TMEM117: variants seen among roughly 807,000 people sequenced by gnomAD.
The protein encoded by TMEM117 is transmembrane protein 117.
Under a neutral mutation model 52.4 loss-of-function variants are expected in TMEM117, and 27 were observed. The ratio of observed to expected loss-of-function variants is 0.51; its 90% CI spans 0.38 to 0.71. The LOEUF (loss-of-function observed/expected upper bound fraction) is 0.71. Among genes scored for constraint, TMEM117 ranks in the 30% least tolerant of loss-of-function variants. The probability of loss-of-function intolerance (pLI) is 0.00; values close to 1 mark genes in which losing one functional copy is unlikely to be tolerated. For synonymous variants in TMEM117, 215 were observed against 206.3 expected, an observed-to-expected ratio of 1.04 and a Z score of -0.36; for missense variants, 556 against 630.5, an observed-to-expected ratio of 0.88 and a Z score of 1.26.
intron 6 of TMEM117, among the ~76,000 whole-genome samples, chr12:44,367,376 C>G (rs927046196): frequency 6.6e-6 from 1 of 152,098 alleles, no homozygotes; most frequent in Non-Finnish European, 1.5e-5. Flanking sequence ...ATTACTTAAA[C>G]CTTCAGGGGC....
chr12:43,944,476 G>A, intron 3 of TMEM117, 134 bp downstream of exon 3: 1 of 840,108 alleles, frequency 1.2e-6, no homozygotes, highest in Non-Finnish European at 1.8e-6. Context: ...AGTATTTTAT[G>A]TATTTTTCTT....
intron 2 of TMEM117, among the ~76,000 whole-genome samples, chr12:43,914,183 G>A (rs1220458735): frequency 2.0e-5 from 3 of 152,078 alleles, no homozygotes; most frequent in South Asian, 4.1e-4. Context: ...CAGCAGCTTC[G>A]GGAGGGGATG....
chr12:44,230,811 T>C (rs142094712), intron 5 of TMEM117, among the ~76,000 whole-genome samples: 1,610 of 152,196 alleles, frequency 0.011, 11 homozygotes, highest in African/African-American at 0.018. Context: ...TGACATTCTT[T>C]GCTCTAGAGA....
chr12:43,872,936 T>C (rs1309686362), intron 2 of TMEM117, among the ~76,000 whole-genome samples: 1 of 152,194 alleles, frequency 6.6e-6, no homozygotes, highest in African/African-American at 2.4e-5. Flanking sequence ...AGATGTTTTA[T>C]AGCACTGGAA....
intron 2 of TMEM117, among the ~76,000 whole-genome samples, chr12:43,848,336 C>T (rs1194054409): frequency 1.3e-5 from 2 of 152,046 alleles, no homozygotes; most frequent in Non-Finnish European, 2.9e-5. Flanking sequence ...CTTCAGGAGA[C>T]CAGGGCTTAT....
chr12:43,938,494 G>A (rs1944990123), intron 2 of TMEM117, among the ~76,000 whole-genome samples: 1 of 152,012 alleles, frequency 6.6e-6, no homozygotes, highest in Admixed American at 6.6e-5. Flanking sequence ...AACAAAGGGT[G>A]TGTGCATGTG....
intron 5 of TMEM117, among the ~76,000 whole-genome samples, chr12:44,217,551 A>G (rs1294986315): frequency 6.6e-6 from 1 of 152,210 alleles, no homozygotes; most frequent in African/African-American, 2.4e-5. Flanking sequence ...TGCATTAAAT[A>G]TATTGACGGT....
rs187851708 is a variant in TMEM117, at chr12:44,035,570, A to G, written c.410+91228A>G. Among the ~76,000 whole-genome samples the G allele has an allele frequency of 2.1e-3, 320 of 152,354 alleles. 2 individuals are homozygous for G. Among genetic ancestry groups the G allele is most frequent in the African/African-American group, 7.0e-3 (290 of 41,582 alleles). On this transcript the variant is annotated intron_variant, in intron 3 of 7. Coordinates refer to ENST00000266534, the MANE Select transcript of TMEM117 (RefSeq NM_032256.3). ...GCAGGAGACCAGCCAGGAGATGACT[A>G]CATTAGCCTAGGGTAACACTGAACG...
chr12:44,194,743 G>A (rs1176125417), intron 4 of TMEM117, among the ~76,000 whole-genome samples: 1 of 152,002 alleles, frequency 6.6e-6, no homozygotes, highest in Non-Finnish European at 1.5e-5. Flanking sequence ...AGGCAGGAGG[G>A]TCACTTGAGC....
At chr12:43,961,336 TTAC>T (rs1945399530) in intron 3 of TMEM117, among the ~76,000 whole-genome samples, 1 of 152,188 alleles carries the variant, frequency 6.6e-6, no homozygotes, top group Non-Finnish European at 1.5e-5. Flanking sequence ...AATAATATTA[TTAC>T]GTTATCATGC....
chr12:44,205,380 A>G (rs978280365), intron 4 of TMEM117, among the ~76,000 whole-genome samples: 4 of 152,166 alleles, frequency 2.6e-5, no homozygotes, highest in Non-Finnish European at 5.9e-5. Flanking sequence ...CTTCCCAGCC[A>G]TGTGGAACTG....
At chr12:43,872,242 T>C (rs190327583) in intron 2 of TMEM117, among the ~76,000 whole-genome samples, 2 of 152,338 alleles carry the variant, frequency 1.3e-5, no homozygotes, top group Admixed American at 1.3e-4. Context: ...CCTATCTCAA[T>C]TGCAGGTTCA....
At chr12:43,852,515 T>G (rs1290021203) in intron 2 of TMEM117, among the ~76,000 whole-genome samples, 8 of 152,138 alleles carry the variant, frequency 5.3e-5, no homozygotes, top group Admixed American at 6.5e-5. Flanking sequence ...GGCAGCAAAA[T>G]CACTTGAACC....
At chr12:44,111,529 C>T (rs1235532574) in intron 3 of TMEM117, among the ~76,000 whole-genome samples, 1 of 68,780 alleles carries the variant, frequency 1.5e-5, no homozygotes, top group Non-Finnish European at 2.5e-5. Flanking sequence ...GAGTGAGATT[C>T]TTAATCCTGA....
chr12:44,301,133 A>C (rs1950834149), intron 6 of TMEM117, among the ~76,000 whole-genome samples: 1 of 152,194 alleles, frequency 6.6e-6, no homozygotes, highest in Admixed American at 6.5e-5. Flanking sequence ...ATTTGCTTAC[A>C]TTCATATATT....
chr12:44,359,577 C>G (rs1406852560), intron 6 of TMEM117, among the ~76,000 whole-genome samples: 2 of 151,726 alleles, frequency 1.3e-5, no homozygotes, highest in Admixed American at 6.6e-5. Context: ...TCTTTTCTAC[C>G]AAAAGGCAGT....
At chr12:43,877,212 A>AT (rs751683811) in intron 2 of TMEM117, among the ~76,000 whole-genome samples, 14 of 152,154 alleles carry the variant, frequency 9.2e-5, no homozygotes, top group Non-Finnish European at 1.5e-4. Flanking sequence ...GAATGTGCAC[A>AT]TTTTTCACTT....
chr12:44,286,039 T>C (rs908912261), intron 5 of TMEM117, among the ~76,000 whole-genome samples: 1 of 152,202 alleles, frequency 6.6e-6, no homozygotes, highest in Admixed American at 6.5e-5. Context: ...AATTTAAGTT[T>C]GCTATCCCAC....
Position 44,272,263 on chromosome 12 carries a change from T to A in TMEM117, c.609-27317T>A, listed in dbSNP as rs1337317485. Among the ~76,000 whole-genome samples the A allele has an allele frequency of 3.3e-5, 5 of 152,072 alleles. No homozygotes were observed. In the East Asian group the frequency reaches 9.7e-4, roughly 29 times the overall value. On this transcript the variant is annotated intron_variant, in intron 5 of 7. Transcript: ENST00000266534. Reference sequence around the variant, plus strand: ...CAAAGCCATAATAAAAGTCTCCCCATAAAGAAAAGCCCAGGACCTAATCAC... The same window carrying A: ...CAAAGCCATAATAAAAGTCTCCCCAAAAAGAAAAGCCCAGGACCTAATCAC...
Sources: allele counts gnomAD v4.1 joint callset (sites outside exome capture counted in the v4.1 genomes callset), GRCh38; gene constraint gnomAD v4.1.1; transcripts MANE v1.5; gene names NCBI Gene and HGNC (gene_info 2026-07-23, HGNC 2026-07-21).